The following VAV3 variants were observed in gnomAD, a reference collection of about 807,000 sequenced individuals.
VAV3 encodes guanine nucleotide exchange factor VAV3.
VAV3 carries 94 observed loss-of-function variants against 131.2 expected under a neutral mutation model. The ratio of observed to expected loss-of-function variants is 0.72; its 90% CI spans 0.61 to 0.85. The LOEUF is 0.85. VAV3 is among the 40% of genes least tolerant of loss of function. The pLI is 0.00. For missense variants in VAV3, 939 were observed against 1,002.7 expected (o/e 0.94, Z 0.86); for synonymous variants, 349 against 342.0 (o/e 1.02, Z -0.22).
At chr1:107,961,549 A>G (rs984384358) in intron 1 of VAV3, among the ~76,000 whole-genome samples, 1 of 152,256 alleles carries the variant, frequency 6.6e-6, no homozygotes, top group Non-Finnish European at 1.5e-5. Flanking sequence ...TCACTGGCCA[A>G]CTGCATTTTA....
At chr1:107,601,256 G>A (rs572937468) in intron 24 of VAV3, among the ~76,000 whole-genome samples, 163 of 152,236 alleles carry the variant, frequency 1.1e-3, no homozygotes, top group African/African-American at 3.9e-3. Context: ...ACATTTTCCA[G>A]GACATGACCT....
At chr1:107,813,134 C>A (rs1205881177) in intron 2 of VAV3, among the ~76,000 whole-genome samples, 1 of 140,392 alleles carries the variant, frequency 7.1e-6, no homozygotes. Flanking sequence ...AAAAAAAAAA[C>A]TCTTGATAAA....
chr1:107,831,552 C>T (rs1164228033), intron 2 of VAV3, among the ~76,000 whole-genome samples: 1 of 152,164 alleles, frequency 6.6e-6, no homozygotes, highest in Non-Finnish European at 1.5e-5. Flanking sequence ...TCATCTCAAG[C>T]TTTACTTCAT....
intron 15 of VAV3, among the ~76,000 whole-genome samples, chr1:107,737,310 C>G (rs928063782): frequency 2.6e-5 from 4 of 152,152 alleles, no homozygotes; most frequent in Non-Finnish European, 5.9e-5. Context: ...GACTTCATGT[C>G]TAAAACACCA....
chr1:107,578,868 T>C, intron 25 of VAV3: 2 of 985,122 alleles, frequency 2.0e-6, no homozygotes, highest in Non-Finnish European at 1.2e-6. Context: ...GTCTGGAATA[T>C]AACAAGAGAT....
rs1161088981 is a variant in VAV3 at position 107,952,468 on chromosome 1, T to TTATATATATATATATATATATATATA, written c.204+12197_204+12198insTATATATATATATATATATATATATA. 1.9e-3 allele frequency among the ~76,000 whole-genome samples: 231 copies of TTATATATATATATATATATATATATA among 118,736 alleles called. 6 individuals are homozygous for TTATATATATATATATATATATATATA. Among genetic ancestry groups the TTATATATATATATATATATATATATA allele is most frequent in the East Asian group, 6.8e-3 (24 of 3,552 alleles). 77.9% of individuals were successfully genotyped at this position (118,736 alleles called of 152,430 possible). The stretch of plus-strand genomic sequence containing the variant: ...TGTGCCCCGAACTTATAACAAAACT[T>TTATATATATATATATATATATATATA]TATATATATATATATATACACACAT... On this transcript the variant is annotated intron_variant, in intron 1 of 26. Transcript: ENST00000370056.
chr1:107,846,763 T>C (rs1368582613), intron 2 of VAV3, among the ~76,000 whole-genome samples: 2 of 152,110 alleles, frequency 1.3e-5, no homozygotes, highest in Non-Finnish European at 2.9e-5. Context: ...AGCACCCAGA[T>C]TCATAAAGCA....
chr1:107,695,863 T>C (rs537845861), intron 17 of VAV3, among the ~76,000 whole-genome samples: 3 of 152,248 alleles, frequency 2.0e-5, no homozygotes, highest in Middle Eastern at 3.4e-3. Context: ...GATCTGTCCA[T>C]TAAAAGGTAG....
At chr1:107,665,994 G>A (rs1657382736) in intron 19 of VAV3, among the ~76,000 whole-genome samples, 1 of 152,140 alleles carries the variant, frequency 6.6e-6, no homozygotes, top group Non-Finnish European at 1.5e-5. Context: ...AACAGGGAGG[G>A]GGAAGAGTAT....
chr1:107,670,363 A>T (rs982274416), intron 19 of VAV3, among the ~76,000 whole-genome samples: 1 of 152,210 alleles, frequency 6.6e-6, no homozygotes, highest in East Asian at 1.9e-4. Flanking sequence ...CTTAACCAAC[A>T]CACTCTACTT....
intron 2 of VAV3, among the ~76,000 whole-genome samples, chr1:107,846,294 G>A (rs564070477): frequency 1.0e-3 from 158 of 152,296 alleles, no homozygotes; most frequent in Non-Finnish European, 1.8e-3. Context: ...AGCTCCTGAA[G>A]GAAGGACTAA....
intron 25 of VAV3, among the ~76,000 whole-genome samples, chr1:107,580,979 G>C (rs1417791106): frequency 6.6e-6 from 1 of 151,902 alleles, no homozygotes; most frequent in Non-Finnish European, 1.5e-5. Flanking sequence ...AATTAAAAAG[G>C]GCCCAGTAAC....
At chr1:107,649,801 A>G (rs773080900) in intron 19 of VAV3, among the ~76,000 whole-genome samples, 3 of 152,138 alleles carry the variant, frequency 2.0e-5, no homozygotes, top group Non-Finnish European at 2.9e-5. Flanking sequence ...TCATTCATGC[A>G]TTGATATTGG....
chr1:107,942,594 T>C (rs1206644481), intron 1 of VAV3, among the ~76,000 whole-genome samples: 1 of 152,202 alleles, frequency 6.6e-6, no homozygotes, highest in African/African-American at 2.4e-5. Context: ...TTCATACCTC[T>C]CATGAAATGT....
rs183064965 is a variant in VAV3 at position 107,662,865 on chromosome 1, C to T, written c.1778-20110G>A. On this transcript the variant is annotated intron_variant, in intron 19 of 26. Transcript: ENST00000370056. ...AGTTGAAAGCACTTTCACAATGGGG[C>T]AGGTGTCAATCAGAAAGCAGAAATT... 3.3e-5 allele frequency among the ~76,000 whole-genome samples: 5 copies of T among 152,270 alleles called. No homozygotes were observed. In the East Asian group the frequency reaches 9.7e-4, roughly 29 times the overall value.
Position 107,743,788 on chromosome 1 carries a change from A to G in VAV3, c.1502+5180T>C, listed in dbSNP as rs945869215. Among the ~76,000 whole-genome samples, 7 of 152,358 alleles carry G rather than the reference A, an allele frequency of 4.6e-5. No individual in the cohort carries two copies. The East Asian group carries it at 9.6e-4, about 21-fold the overall frequency. ...CATGCTTTTTGTTTTTATCATATAA[A>G]CTACAGAAAGTAAACTTCAAGAAAA... On this transcript the variant is annotated intron_variant, in intron 15 of 26. Transcript: ENST00000370056.
intron 19 of VAV3, among the ~76,000 whole-genome samples, chr1:107,654,234 C>T (rs1227010119): frequency 6.6e-6 from 1 of 152,028 alleles, no homozygotes; most frequent in Non-Finnish European, 1.5e-5. Flanking sequence ...TGCATCACTA[C>T]TCTTTTCCAA....
At chr1:107,960,314 A>G (rs532271350) in intron 1 of VAV3, among the ~76,000 whole-genome samples, 187 of 152,124 alleles carry the variant, frequency 1.2e-3, no homozygotes, top group Non-Finnish European at 8.8e-5. Context: ...AAAATACAAA[A>G]AAGTAGCCGG....
intron 2 of VAV3, among the ~76,000 whole-genome samples, chr1:107,841,229 T>C (rs1288101900): frequency 6.6e-6 from 1 of 152,124 alleles, no homozygotes; most frequent in Admixed American, 6.5e-5. Flanking sequence ...AACATAGCAG[T>C]GAATACAGCA....
Sources: allele counts gnomAD v4.1 joint callset (sites outside exome capture counted in the v4.1 genomes callset), GRCh38; gene constraint gnomAD v4.1.1; transcripts MANE v1.5; gene names NCBI Gene and HGNC (gene_info 2026-07-23, HGNC 2026-07-21).